Variants in KIAA1217 observed in about 807,000 individuals in gnomAD.
KIAA1217 encodes the protein KIAA1217, also known as sickle tail protein homolog.
Under a neutral mutation model 163.9 loss-of-function variants are expected in KIAA1217, and 88 were observed. That is an observed-to-expected ratio of 0.54 (90% CI 0.45 to 0.64). KIAA1217 has a LOEUF of 0.64. Ranked by LOEUF, KIAA1217 falls within the 30% of genes least tolerant of loss-of-function variation. The pLI, the probability that KIAA1217 is intolerant of heterozygous loss-of-function variation, is 0.00. For missense variants in KIAA1217, 2,372 were observed against 2,475.0 expected (o/e 0.96, Z 0.88); for synonymous variants, 903 against 923.1 (o/e 0.98, Z 0.39).
At chr10:24,427,659 C>G (rs946323752) in intron 3 of KIAA1217, among the ~76,000 whole-genome samples, 72 of 152,156 alleles carry the variant, frequency 4.7e-4, no homozygotes, top group African/African-American at 1.6e-3. Context: ...ATGCATTTCT[C>G]TCATCCTCAT....
At chr10:24,397,682 C>G (rs1216369504) in intron 3 of KIAA1217, among the ~76,000 whole-genome samples, 1 of 152,166 alleles carries the variant, frequency 6.6e-6, no homozygotes, top group East Asian at 1.9e-4. Flanking sequence ...GGGAAGGTCT[C>G]TTATGAGAGC....
chr10:23,787,955 G>A (rs1835569253), intron 1 of KIAA1217, among the ~76,000 whole-genome samples: 1 of 152,082 alleles, frequency 6.6e-6, no homozygotes, highest in Admixed American at 6.5e-5. Flanking sequence ...AGGATTTTGA[G>A]ATGTTCAAGT....
At chr10:23,958,399 G>A (rs1001769885) in intron 1 of KIAA1217, among the ~76,000 whole-genome samples, 5 of 152,158 alleles carry the variant, frequency 3.3e-5, no homozygotes, top group African/African-American at 1.2e-4. Context: ...TTGTGAGGGA[G>A]TACACAGGAT....
At chr10:24,266,260 G>A (rs1329681694) in intron 2 of KIAA1217, among the ~76,000 whole-genome samples, 2 of 151,994 alleles carry the variant, frequency 1.3e-5, no homozygotes, top group Non-Finnish European at 2.9e-5. Flanking sequence ...TGTATTTTTA[G>A]TAGAGACAGG....
At position 24,037,148 on chromosome 10, in the gene KIAA1217, T is replaced by C. The variant is rs1848428263; in HGVS notation, c.-171+29774T>C. 3.3e-5 allele frequency among the ~76,000 whole-genome samples: 5 copies of C among 152,082 alleles called. No homozygotes were observed. In the South Asian group the frequency reaches 1.0e-3, roughly 32 times the overall value. On this transcript the variant is annotated intron_variant, in intron 2 of 18. Transcript: ENST00000376462. ...GGATTAGGTCATTGTGGGGAGATAC[T>C]AGCCTAGAAGGGACCACACATAGGA...
intron 2 of KIAA1217, among the ~76,000 whole-genome samples, chr10:24,335,870 C>T (rs2046297659): frequency 6.6e-6 from 1 of 152,232 alleles, no homozygotes; most frequent in Non-Finnish European, 1.5e-5. Flanking sequence ...CCTGGAACTT[C>T]CAAGGTACTG....
intron 2 of KIAA1217, among the ~76,000 whole-genome samples, chr10:24,144,618 G>A (rs753052748): frequency 3.3e-5 from 5 of 152,182 alleles, no homozygotes; most frequent in Admixed American, 6.5e-5. Context: ...AGCAGGATGC[G>A]CAATCAGTAC....
At chr10:23,941,104 A>G (rs987390458) in intron 1 of KIAA1217, among the ~76,000 whole-genome samples, 1 of 152,242 alleles carries the variant, frequency 6.6e-6, no homozygotes, top group African/African-American at 2.4e-5. Context: ...TTACTTACTT[A>G]GGCATGGGCA....
At chr10:24,007,024 C>G (rs1847030778) in intron 1 of KIAA1217, among the ~76,000 whole-genome samples, 1 of 152,166 alleles carries the variant, frequency 6.6e-6, no homozygotes, top group Non-Finnish European at 1.5e-5. Context: ...TACTGGAAAA[C>G]TGAAGTTAAC....
At chr10:23,935,672 A>G (rs1843497954) in intron 1 of KIAA1217, among the ~76,000 whole-genome samples, 7 of 152,230 alleles carry the variant, frequency 4.6e-5, no homozygotes, top group Admixed American at 4.6e-4. Context: ...GTACACAGAA[A>G]ATCATATAAT....
chr10:23,733,689 G>C (rs1838620450), intron 1 of KIAA1217, among the ~76,000 whole-genome samples: 8 of 151,910 alleles, frequency 5.3e-5, no homozygotes, highest in Admixed American at 5.3e-4. Flanking sequence ...CGTGGGTATA[G>C]TACCCGCCAG....
At chr10:23,744,187 G>A (rs1025901330) in intron 1 of KIAA1217, among the ~76,000 whole-genome samples, 12 of 152,200 alleles carry the variant, frequency 7.9e-5, no homozygotes, top group African/African-American at 2.4e-4. Context: ...AGTGGTGTCT[G>A]TAGCCCCCAG....
intron 5 of KIAA1217, among the ~76,000 whole-genome samples, chr10:24,441,681 G>A (rs2060507470): frequency 6.6e-6 from 1 of 152,134 alleles, no homozygotes; most frequent in African/African-American, 2.4e-5. Context: ...CCACCACCCT[G>A]ATCTAATTTA....
chr10:24,233,011 G>C (rs1050591582), intron 2 of KIAA1217, among the ~76,000 whole-genome samples: 1 of 147,004 alleles, frequency 6.8e-6, no homozygotes, highest in African/African-American at 2.5e-5. Flanking sequence ...TACAGTCCCA[G>C]ATACTTAGGA....
At chr10:24,205,705 G>A (rs1429648225), upstream of KIAA1217, among the ~76,000 whole-genome samples, 2 of 148,640 alleles carry the variant, frequency 1.3e-5, no homozygotes, top group African/African-American at 5.0e-5. Flanking sequence ...CCCAGAAGGT[G>A]GAGGTTGCAG....
chr10:23,728,434 C>T (rs553527867), intron 1 of KIAA1217, among the ~76,000 whole-genome samples: 1 of 151,390 alleles, frequency 6.6e-6, no homozygotes, highest in Admixed American at 6.6e-5. Context: ...AGCTTTTTTC[C>T]ATATGTTTGT....
intron 5 of KIAA1217, chr10:24,449,388 C>T (rs1258068573): frequency 2.5e-6 from 2 of 808,284 alleles, no homozygotes; most frequent in Admixed American, 6.2e-5. Context: ...TATTTATAAA[C>T]ATCACGTGTT....
intron 3 of KIAA1217, among the ~76,000 whole-genome samples, chr10:24,381,836 C>T (rs1378259734): frequency 6.6e-6 from 1 of 152,118 alleles, no homozygotes; most frequent in African/African-American, 2.4e-5. Flanking sequence ...TCTGGTAGTC[C>T]AGTGGAGGAG....
At chr10:23,789,064 T>C (rs561990891) in intron 1 of KIAA1217, among the ~76,000 whole-genome samples, 2 of 152,350 alleles carry the variant, frequency 1.3e-5, no homozygotes, top group Admixed American at 1.3e-4. Flanking sequence ...CTTAATAAAA[T>C]TTGAGACCAA....
Sources: gnomAD v4.1 joint callset for allele counts (sites outside exome capture counted in the v4.1 genomes callset) on GRCh38, gnomAD v4.1.1 for gene constraint, MANE v1.5 for transcripts, NCBI Gene and HGNC (gene_info 2026-07-23, HGNC 2026-07-21) for gene names.